Variants in AP3B1 observed in about 807,000 individuals in gnomAD.
AP3B1 encodes adaptor related protein complex 3 subunit beta 1, also known as AP-3 complex subunit beta-1.
AP3B1 carries 61 observed loss-of-function variants against 132.5 expected under a neutral mutation model. That is an observed-to-expected ratio of 0.46 (90% CI 0.37 to 0.57). The LOEUF is 0.57. Ranked by LOEUF, AP3B1 falls within the 20% of genes least tolerant of loss-of-function variation. The pLI, the probability that AP3B1 is intolerant of heterozygous loss-of-function variation, is 0.00. For missense variants in AP3B1, 1,120 were observed against 1,289.4 expected (o/e 0.87, Z 2.01); for synonymous variants, 388 against 438.3 (o/e 0.89, Z 1.43).
At chr5:78,097,943 C>T (rs1367967046) in intron 21 of AP3B1, among the ~76,000 whole-genome samples, 5 of 152,156 alleles carry the variant, frequency 3.3e-5, no homozygotes, top group Non-Finnish European at 7.4e-5. Flanking sequence ...AAGAAAAATT[C>T]TTCTGCCTTG....
chr5:78,244,096 A>G (rs960270433), intron 2 of AP3B1, among the ~76,000 whole-genome samples: 1 of 152,220 alleles, frequency 6.6e-6, no homozygotes, highest in Non-Finnish European at 1.5e-5. Context: ...TATATATGAT[A>G]TAAGAAAGAA....
At chr5:78,278,624 AAGGG>A (rs1249526390) in intron 1 of AP3B1, among the ~76,000 whole-genome samples, 5 of 73,118 alleles carry the variant, frequency 6.8e-5, no homozygotes, top group Non-Finnish European at 1.0e-4. Context: ...AAAAAAAAAA[AAGGG>A]GGGGGGGGAC....
intron 14 of AP3B1, among the ~76,000 whole-genome samples, chr5:78,149,743 G>C (rs1753565344): frequency 6.6e-6 from 1 of 152,132 alleles, no homozygotes. Flanking sequence ...CAGACCAACT[G>C]TGAATCCAAG....
At chr5:78,285,079 C>G (rs1247845353) in intron 1 of AP3B1, among the ~76,000 whole-genome samples, 1 of 152,066 alleles carries the variant, frequency 6.6e-6, no homozygotes, top group Non-Finnish European at 1.5e-5. Context: ...AACCCCGTCT[C>G]TACTAAAAAT....
At chr5:78,065,043 GGA>G (rs1749222033) in intron 22 of AP3B1, among the ~76,000 whole-genome samples, 1 of 152,114 alleles carries the variant, frequency 6.6e-6, no homozygotes, top group South Asian at 2.1e-4. Context: ...CACGACCCAC[GGA>G]GAGTGAGGAG....
intron 15 of AP3B1, among the ~76,000 whole-genome samples, chr5:78,136,525 ATG>A (rs1470082310): frequency 6.6e-6 from 1 of 152,168 alleles, no homozygotes; most frequent in Non-Finnish European, 1.5e-5. Context: ...TAACATCTAC[ATG>A]TGTTATGCGC....
intron 13 of AP3B1, among the ~76,000 whole-genome samples, chr5:78,162,394 G>C (rs1210311972): frequency 1.3e-5 from 2 of 152,030 alleles, no homozygotes; most frequent in African/African-American, 4.8e-5. Flanking sequence ...AATGTTGAAG[G>C]TATACAGTTA....
At chr5:78,178,569 C>T (rs1470127505) in intron 8 of AP3B1, among the ~76,000 whole-genome samples, 2 of 151,916 alleles carry the variant, frequency 1.3e-5, no homozygotes, top group African/African-American at 4.8e-5. Flanking sequence ...TGCAGTGAGC[C>T]GAGATCATGC....
chr5:78,053,803 A>C (rs1160596035), intron 22 of AP3B1, among the ~76,000 whole-genome samples: 1 of 152,004 alleles, frequency 6.6e-6, no homozygotes, highest in Non-Finnish European at 1.5e-5. Flanking sequence ...AGGTCTCTCT[A>C]ATTTGCCCCC....
At chr5:78,079,425 A>G (rs1749897999) in intron 22 of AP3B1, among the ~76,000 whole-genome samples, 1 of 152,216 alleles carries the variant, frequency 6.6e-6, no homozygotes, top group African/African-American at 2.4e-5. Flanking sequence ...CCATCTAAGA[A>G]GCAAAAGACC....
intron 1 of AP3B1, among the ~76,000 whole-genome samples, chr5:78,278,599 A>C (rs1261450839): frequency 2.4e-5 from 1 of 42,064 alleles, no homozygotes; most frequent in Admixed American, 2.0e-4. Context: ...ACTCCGTCTC[A>C]AAAAAAAAAA....
chr5:78,168,219 C>CTTTTT (rs535444476), intron 11 of AP3B1, among the ~76,000 whole-genome samples: 1 of 142,720 alleles, frequency 7.0e-6, no homozygotes, highest in African/African-American at 2.7e-5. Context: ...CAACTTTTTT[C>CTTTTT]TTTTTTCTTT....
chr5:78,225,009 G>A (rs1275603050), intron 6 of AP3B1, among the ~76,000 whole-genome samples: 1 of 152,000 alleles, frequency 6.6e-6, no homozygotes. Context: ...CTAATCAAAT[G>A]TTTATTGAAC....
chr5:78,246,217 C>A (rs2112527887), intron 2 of AP3B1, among the ~76,000 whole-genome samples: 1 of 152,150 alleles, frequency 6.6e-6, no homozygotes, highest in South Asian at 2.1e-4. Flanking sequence ...TATTTTTTTT[C>A]ATCCTTCAAC....
chr5:78,096,836 A>G (rs911193605), intron 21 of AP3B1, among the ~76,000 whole-genome samples: 1 of 145,916 alleles, frequency 6.9e-6, no homozygotes, highest in Non-Finnish European at 1.5e-5. Flanking sequence ...TCCGGGAGGG[A>G]GGGGGGGCTC....
intron 2 of AP3B1, among the ~76,000 whole-genome samples, chr5:78,241,852 C>G (rs1046635052): frequency 6.6e-6 from 1 of 152,172 alleles, no homozygotes; most frequent in Non-Finnish European, 1.5e-5. Flanking sequence ...AAATGACATT[C>G]ATGATAGAAT....
intron 23 of AP3B1, among the ~76,000 whole-genome samples, chr5:78,037,307 T>C (rs1310170921): frequency 6.6e-6 from 1 of 152,112 alleles, no homozygotes; most frequent in African/African-American, 2.4e-5. Context: ...CTAATTTTTT[T>C]TAACTAGGTA....
intron 11 of AP3B1, among the ~76,000 whole-genome samples, chr5:78,172,636 A>G (rs2112394261): frequency 6.6e-6 from 1 of 152,188 alleles, no homozygotes; most frequent in Non-Finnish European, 1.5e-5. Flanking sequence ...TTTCTCCATT[A>G]GTCTTGCTAG....
intron 15 of AP3B1, 108 bp downstream of exon 15, chr5:78,141,035 C>T: frequency 9.9e-7 from 1 of 1,005,122 alleles, no homozygotes; most frequent in Non-Finnish European, 1.6e-6. Context: ...AAACAGGCAC[C>T]TAGAAATTGT....
Sources: gnomAD v4.1 joint callset for allele counts (sites outside exome capture counted in the v4.1 genomes callset) on GRCh38, gnomAD v4.1.1 for gene constraint, MANE v1.5 for transcripts, NCBI Gene and HGNC (gene_info 2026-07-23, HGNC 2026-07-21) for gene names.